Variants in PCDHGA1 observed in about 807,000 individuals in gnomAD.
PCDHGA1 encodes the protein protocadherin gamma-A1.
PCDHGA1 carries 32 observed loss-of-function variants against 58.0 expected under a neutral mutation model. The ratio of observed to expected loss-of-function variants is 0.55; its 90% CI spans 0.42 to 0.74. PCDHGA1 has a LOEUF of 0.74. Ranked by LOEUF, PCDHGA1 falls within the 30% of genes least tolerant of loss-of-function variation. The probability of loss-of-function intolerance (pLI) is 0.00; values close to 1 mark genes in which losing one functional copy is unlikely to be tolerated. For missense variants in PCDHGA1, 1,205 were observed against 1,182.3 expected, an observed-to-expected ratio of 1.02 and a Z score of -0.28; for synonymous variants, 498 against 501.1, an observed-to-expected ratio of 0.99 and a Z score of 0.08.
chr5:141,398,597 C>A (rs986852077), intron 1 of PCDHGA1: 4 of 1,614,006 alleles, frequency 2.5e-6, no homozygotes, highest in Non-Finnish European at 3.4e-6. Flanking sequence ...CTAGAAGTAG[C>A]AGAAGATGCA....
At chr5:141,351,751 G>T in intron 1 of PCDHGA1, 2 of 1,613,642 alleles carry the variant, frequency 1.2e-6, no homozygotes, top group Non-Finnish European at 1.7e-6. Context: ...CGCGGGAGCT[G>T]TTGTCCTACG....
chr5:141,383,458 G>A, intron 1 of PCDHGA1: 1 of 1,613,878 alleles, frequency 6.2e-7, no homozygotes, highest in African/African-American at 1.3e-5. Context: ...AAGTGGAGAC[G>A]ATGAAACTAA....
chr5:141,510,280 A>G (rs1218058358), intron 3 of PCDHGA1, among the ~76,000 whole-genome samples: 1 of 151,892 alleles, frequency 6.6e-6, no homozygotes, highest in Non-Finnish European at 1.5e-5. Context: ...CTTAAAAAAA[A>G]AAAAAAAAAA....
In PCDHGA1 at chr5:141,491,634, C is replaced by T; in HGVS notation, c.2422-3173C>T. On this transcript the variant is annotated intron_variant, in intron 1 of 3. Coordinates refer to ENST00000517417, the MANE Select transcript of PCDHGA1 (RefSeq NM_018912.3). This position sits in a 1 kb window ranked among gnomAD's most constrained non-coding sequence, Gnocchi z 6.9. ...TAAGACCCCTCAGCGTTCAGCAGCC[C>T]ACAGCTCTGGCGCTGGAGCCTGACG... 1 of 1,613,892 alleles carries T rather than the reference C, an allele frequency of 6.2e-7. No individual in the cohort carries two copies. Among genetic ancestry groups the T allele is most frequent in the South Asian group, 1.1e-5 (1 of 91,084 alleles).
Position 141,489,640 on chromosome 5 carries a change from G to A in PCDHGA1, c.2422-5167G>A. The A allele has an allele frequency of 1.2e-6, 2 of 1,614,146 alleles. No individual in the cohort carries two copies. Among genetic ancestry groups the A allele is most frequent in the Non-Finnish European group, 1.7e-6 (2 of 1,180,010 alleles). Reference sequence around the variant, plus strand: ...TCTCAATGACAACTCTCCTAGCTTTGCCACCCCTGAGCGAGAGATGCGCAT... The same window carrying A: ...TCTCAATGACAACTCTCCTAGCTTTACCACCCCTGAGCGAGAGATGCGCAT... On this transcript the variant is annotated intron_variant, in intron 1 of 3. Transcript: ENST00000517417. The surrounding 1 kb of genome is among the most constrained non-coding windows in gnomAD (Gnocchi z 4.5).
At chr5:141,446,718 C>G (rs1279970040) in intron 1 of PCDHGA1, among the ~76,000 whole-genome samples, 1 of 152,174 alleles carries the variant, frequency 6.6e-6, no homozygotes, top group Non-Finnish European at 1.5e-5. Flanking sequence ...CTGCCCGCCT[C>G]GGCCTCCCAA....
intron 1 of PCDHGA1, chr5:141,418,060 A>G (rs2096216821): frequency 1.2e-6 from 2 of 1,613,850 alleles, no homozygotes; most frequent in Admixed American, 1.7e-5. Flanking sequence ...GCGAGCTGCG[A>G]GTGAGCGCGG....
At chr5:141,448,662 C>T (rs1242351797) in intron 1 of PCDHGA1, among the ~76,000 whole-genome samples, 1 of 151,980 alleles carries the variant, frequency 6.6e-6, no homozygotes, top group Non-Finnish European at 1.5e-5. Flanking sequence ...CCATATTGGC[C>T]GGGCGCGGTG....
At chr5:141,372,049 T>TG in intron 1 of PCDHGA1, 1 of 1,613,484 alleles carries the variant, frequency 6.2e-7, no homozygotes, top group Non-Finnish European at 8.5e-7. Context: ...CGCGTGTTGG[T>TG]GGACGACCGC....
intron 1 of PCDHGA1, among the ~76,000 whole-genome samples, chr5:141,473,611 G>C (rs2099325261): frequency 6.6e-6 from 1 of 152,140 alleles, no homozygotes; most frequent in Non-Finnish European, 1.5e-5. Context: ...GCAAAGCAAA[G>C]GGAGGGAGGA....
Position 141,511,403 on chromosome 5 carries a change from AC to A in PCDHGA1, c.*231del. ...TCCGCTGGGAACCCCCATCCAATCA[AC>A]TGCTGTACCCATGGGGGTAGTGGGG... is the stretch of plus-strand genomic sequence containing the variant. On this transcript the variant is annotated 3_prime_UTR_variant, in exon 4 of 4. Coordinates refer to ENST00000517417, the MANE Select transcript of PCDHGA1 (RefSeq NM_018912.3). 1.1e-6 allele frequency: 1 copy of A among 939,022 alleles called. No homozygotes were observed. The highest frequency in any genetic ancestry group is 1.5e-6 in the Non-Finnish European group (1 of 650,838). The allele number at this position is 939,022 out of a possible 1,614,324, so 58.2% of individuals were successfully genotyped here. A position where few individuals can be genotyped will look rare whatever the true frequency, so the allele number is the denominator to read the frequency against.
At chr5:141,469,770 A>G (rs1003620088) in intron 1 of PCDHGA1, among the ~76,000 whole-genome samples, 4 of 152,234 alleles carry the variant, frequency 2.6e-5, no homozygotes, top group Non-Finnish European at 5.9e-5. Flanking sequence ...ATACCAGCTT[A>G]TTTATTACAG....
chr5:141,338,403 C>G (rs536114035), intron 1 of PCDHGA1, among the ~76,000 whole-genome samples: 2 of 152,150 alleles, frequency 1.3e-5, no homozygotes, highest in East Asian at 3.8e-4. Flanking sequence ...ACGTAGCTAA[C>G]GTTTCTTAAT....
chr5:141,507,368 T>C (rs1446319165), intron 3 of PCDHGA1: 2 of 152,094 alleles, frequency 1.3e-5, no homozygotes, highest in Non-Finnish European at 2.9e-5. Context: ...GGGAGCCCTG[T>C]ACTTTTATTT....
chr5:141,357,032 C>T (rs754361100), intron 1 of PCDHGA1: 2 of 1,614,066 alleles, frequency 1.2e-6, no homozygotes, highest in Admixed American at 1.7e-5. Flanking sequence ...CTACTCAAGT[C>T]CAGCGAGCCG....
intron 1 of PCDHGA1, chr5:141,344,929 G>C (rs1446885491): frequency 6.2e-7 from 1 of 1,613,770 alleles, no homozygotes; most frequent in South Asian, 1.1e-5. Context: ...TCAGTGAGTG[G>C]AGAAGTATCA....
chr5:141,375,007 C>T (rs369489853), intron 1 of PCDHGA1: 1 of 1,614,000 alleles, frequency 6.2e-7, no homozygotes, highest in African/African-American at 1.3e-5. Context: ...CAAATCTAGA[C>T]TATGAGGACT....
intron 1 of PCDHGA1, among the ~76,000 whole-genome samples, chr5:141,450,013 T>A (rs1178482524): frequency 7.4e-6 from 1 of 135,940 alleles, no homozygotes; most frequent in African/African-American, 3.2e-5. Flanking sequence ...TCTCTTTTTT[T>A]TTTTTTTTTT....
chr5:141,355,770 G>C, intron 1 of PCDHGA1: 1 of 1,613,888 alleles, frequency 6.2e-7, no homozygotes. Flanking sequence ...ATGGGATTAA[G>C]TACCCAGAGC....
Sources: allele counts gnomAD v4.1 joint callset (sites outside exome capture counted in the v4.1 genomes callset), GRCh38; gene constraint gnomAD v4.1.1; non-coding constraint Gnocchi (gnomAD v3.1); transcripts MANE v1.5; gene names NCBI Gene and HGNC (gene_info 2026-07-23, HGNC 2026-07-21).